Variants in ZNF431 observed in about 807,000 individuals in gnomAD.
The protein encoded by ZNF431 is zinc finger protein 431.
Under a neutral mutation model 57.0 loss-of-function variants are expected in ZNF431, and 34 were observed. The observed-to-expected ratio is 0.60, with a 90% CI of 0.45 to 0.79. ZNF431 has a LOEUF of 0.79. Ranked by LOEUF, ZNF431 falls within the 30% of genes least tolerant of loss-of-function variation. The pLI, the probability that ZNF431 is intolerant of heterozygous loss-of-function variation, is 0.00. For synonymous variants in ZNF431, 207 were observed against 220.3 expected (o/e 0.94, Z 0.54); for missense variants, 607 against 667.1 (o/e 0.91, Z 0.99).
chr19:21,164,638 G>A (rs1018875276), intron 2 of ZNF431, among the ~76,000 whole-genome samples: 2 of 152,064 alleles, frequency 1.3e-5, no homozygotes, highest in Non-Finnish European at 2.9e-5. Context: ...GGAGGAGAAA[G>A]AGGAATAATG....
In ZNF431 at chr19:21,186,537, A is replaced by G. The variant is rs565433852; in HGVS notation, c.*2503A>G. On this transcript the variant is annotated 3_prime_UTR_variant, in exon 5 of 5. Coordinates refer to ENST00000311048, the MANE Select transcript of ZNF431 (RefSeq NM_133473.4). ...TTAATATGGTGACTACTATAAAACT[A>G]AAAACCTAAAAAATGCTGAAAGCAA... 134 of 152,330 alleles carry G rather than the reference A, an allele frequency of 8.8e-4. 1 individual carries two copies. The highest frequency in any genetic ancestry group is 3.0e-3 in the African/African-American group (123 of 41,582). The allele number at this position is 152,330 out of a possible 1,614,324, so 9.4% of individuals were successfully genotyped here. A position where few individuals can be genotyped will look rare whatever the true frequency, so the allele number is the denominator to read the frequency against.
intron 4 of ZNF431, among the ~76,000 whole-genome samples, chr19:21,175,809 T>C (rs1971032280): frequency 6.6e-6 from 1 of 152,224 alleles, no homozygotes; most frequent in African/African-American, 2.4e-5. Context: ...CCACATTTTC[T>C]TTATCCAGTC....
At chr19:21,163,036 A>G (rs1414002955) in intron 2 of ZNF431, among the ~76,000 whole-genome samples, 1 of 152,162 alleles carries the variant, frequency 6.6e-6, no homozygotes, top group East Asian at 1.9e-4. Flanking sequence ...AGAAATAAAA[A>G]TGCTGAACCC....
chr19:21,142,330 C>T, intron 1 of ZNF431, 144 bp downstream of exon 1: 1 of 1,139,416 alleles, frequency 8.8e-7, no homozygotes, highest in Admixed American at 1.8e-5. Context: ...CGGCCTCAGT[C>T]CCCTCCAGCC....
chr19:21,148,708 A>G (rs1970180377), intron 2 of ZNF431, among the ~76,000 whole-genome samples: 1 of 152,222 alleles, frequency 6.6e-6, no homozygotes, highest in African/African-American at 2.4e-5. Context: ...AGTAGTCAAA[A>G]TTAGATGTTA....
intron 2 of ZNF431, among the ~76,000 whole-genome samples, chr19:21,165,234 G>A (rs1470839824): frequency 6.6e-6 from 1 of 152,124 alleles, no homozygotes; most frequent in Non-Finnish European, 1.5e-5. Context: ...AACATGGGAA[G>A]ATGTGGATAC....
At chr19:21,171,535 ATGTG>A (rs985887626) in intron 4 of ZNF431, among the ~76,000 whole-genome samples, 1 of 151,718 alleles carries the variant, frequency 6.6e-6, no homozygotes, top group Non-Finnish European at 1.5e-5. Context: ...ATCAGATTAT[ATGTG>A]TGTGTGTTTA....
At chr19:21,170,807 G>T (rs1281213478) in intron 4 of ZNF431, among the ~76,000 whole-genome samples, 1 of 152,094 alleles carries the variant, frequency 6.6e-6, no homozygotes, top group Non-Finnish European at 1.5e-5. Flanking sequence ...CTGAATAGCT[G>T]GGACTACAGG....
chr19:21,161,812 C>T (rs1316170246), intron 2 of ZNF431, among the ~76,000 whole-genome samples: 2 of 151,918 alleles, frequency 1.3e-5, no homozygotes, highest in Non-Finnish European at 2.9e-5. Context: ...CACCACCATG[C>T]CTGGCTAATT....
At chr19:21,167,733 G>C in intron 4 of ZNF431, 67 bp downstream of exon 4, 1 of 1,048,012 alleles carries the variant, frequency 9.5e-7, no homozygotes, top group Non-Finnish European at 1.3e-6. Flanking sequence ...AAAAAAATGT[G>C]CCAGTCCTTA....
At chr19:21,159,864 G>A (rs1970524894) in intron 2 of ZNF431, among the ~76,000 whole-genome samples, 2 of 152,128 alleles carry the variant, frequency 1.3e-5, no homozygotes, top group Admixed American at 6.5e-5. Flanking sequence ...CCTATTCAGG[G>A]ATTCTGTTTT....
At position 21,190,374 on chromosome 19, in the gene ZNF431, G is replaced by A. The variant is rs1971483656; in HGVS notation, c.*6340G>A. 6.6e-6 allele frequency: 1 copy of A among 152,310 alleles called. No homozygotes were observed. The highest frequency in any genetic ancestry group is 2.4e-5 in the African/African-American group (1 of 41,442). 9.4% of individuals were successfully genotyped at this position (152,310 alleles called of 1,614,324 possible). A position where few individuals can be genotyped will look rare whatever the true frequency, so the allele number is the denominator to read the frequency against. ...ATATATACCCAGTAGTGCGATTGCT[G>A]TATTACCTGGTAGTTTTTTTGATAA... On this transcript the variant is annotated 3_prime_UTR_variant, in exon 5 of 5. Coordinates refer to ENST00000311048, the MANE Select transcript of ZNF431 (RefSeq NM_133473.4).
In ZNF431 at chr19:21,178,346, A is replaced by G. The variant is rs1442335410; in HGVS notation, c.320-4277A>G. 3.9e-4 allele frequency among the ~76,000 whole-genome samples: 60 copies of G among 152,016 alleles called. 1 individual carries two copies. The highest frequency in any genetic ancestry group is 3.9e-3 in the Admixed American group (59 of 15,220). On this transcript the variant is annotated intron_variant, in intron 4 of 4. Transcript: ENST00000311048. ...TTCCCTGGCCAGAACTTCCAATACT[A>G]TGTTAAATAGGAGTGGTGGGGAGAG... is the stretch of plus-strand genomic sequence containing the variant.
intron 4 of ZNF431, among the ~76,000 whole-genome samples, chr19:21,171,712 A>ATTTTTTT (rs550012306): frequency 1.1e-5 from 1 of 90,900 alleles, no homozygotes; most frequent in African/African-American, 4.6e-5. Context: ...ATATATATAT[A>ATTTTTTT]TTTTTTTTTT....
Position 21,190,541 on chromosome 19 carries a change from A to T in ZNF431, c.*6507A>T, listed in dbSNP as rs950503072. The T allele has an allele frequency of 5.3e-5, 8 of 151,906 alleles. No individual in the cohort carries two copies. The highest frequency in any genetic ancestry group is 5.9e-5 in the Non-Finnish European group (4 of 68,000). The allele number at this position is 151,906 out of a possible 1,614,324, so 9.4% of individuals were successfully genotyped here. On this transcript the variant is annotated 3_prime_UTR_variant, in exon 5 of 5. Coordinates refer to ENST00000311048, the MANE Select transcript of ZNF431 (RefSeq NM_133473.4). ...GTTATTCTAACAGGAATGAGTTGAT[A>T]TAGGGATTTTTTTTTTGGCTTGTCT...
At chr19:21,170,179 A>G (rs191392874) in intron 4 of ZNF431, among the ~76,000 whole-genome samples, 6 of 152,298 alleles carry the variant, frequency 3.9e-5, no homozygotes, top group Admixed American at 1.3e-4. Flanking sequence ...AAAGGCACTT[A>G]CTTTGGAGAT....
chr19:21,175,379 G>T, intron 4 of ZNF431: 1 of 691,470 alleles, frequency 1.4e-6, no homozygotes, highest in Non-Finnish European at 2.6e-6. Context: ...ACTGCTTAAA[G>T]ATATAAAGTT....
At chr19:21,152,262 CTG>C (rs1381361949) in intron 2 of ZNF431, among the ~76,000 whole-genome samples, 1 of 152,180 alleles carries the variant, frequency 6.6e-6, no homozygotes, top group Admixed American at 6.5e-5. Flanking sequence ...AAAGCATTGT[CTG>C]TGGCAGGGTA....
At chr19:21,144,195 A>G (rs1970019665) in intron 2 of ZNF431, among the ~76,000 whole-genome samples, 1 of 151,820 alleles carries the variant, frequency 6.6e-6, no homozygotes, top group Admixed American at 6.6e-5. Context: ...GTAGGGCTTG[A>G]AAGGTAGGAA....
Sources: gnomAD v4.1 joint callset for allele counts (sites outside exome capture counted in the v4.1 genomes callset) on GRCh38, gnomAD v4.1.1 for gene constraint, MANE v1.5 for transcripts, NCBI Gene and HGNC (gene_info 2026-07-23, HGNC 2026-07-21) for gene names.